Variants in GALNTL6 observed in about 807,000 individuals in gnomAD.
GALNTL6 encodes the protein polypeptide N-acetylgalactosaminyltransferase like 6, also known as polypeptide N-acetylgalactosaminyltransferase-like 6.
GALNTL6 carries 46 observed loss-of-function variants against 73.7 expected under a neutral mutation model. The observed-to-expected ratio is 0.62, with a 90% CI of 0.49 to 0.80. The LOEUF (loss-of-function observed/expected upper bound fraction) is 0.80, where lower values mean the gene tolerates loss of function less well. Among genes scored for constraint, GALNTL6 ranks in the 30% least tolerant of loss-of-function variants. The probability of loss-of-function intolerance (pLI) is 0.00; values close to 1 mark genes in which losing one functional copy is unlikely to be tolerated. For synonymous variants in GALNTL6, 259 were observed against 263.7 expected, an observed-to-expected ratio of 0.98 and a Z score of 0.17; for missense variants, 604 against 755.0, an observed-to-expected ratio of 0.80 and a Z score of 2.34.
At chr4:172,382,919 A>G (rs1743337440) in intron 5 of GALNTL6, among the ~76,000 whole-genome samples, 1 of 151,952 alleles carries the variant, frequency 6.6e-6, no homozygotes, top group Non-Finnish European at 1.5e-5. Context: ...CCCATTAAAT[A>G]TTTTTGGAAT....
At chr4:171,871,803 A>G (rs1736144966) in intron 2 of GALNTL6, among the ~76,000 whole-genome samples, 1 of 152,350 alleles carries the variant, frequency 6.6e-6, no homozygotes, top group Admixed American at 6.5e-5. Context: ...TACATTATAC[A>G]TAAAATTTAA....
chr4:172,816,095 A>G (rs1257322016), intron 7 of GALNTL6, among the ~76,000 whole-genome samples: 1 of 152,226 alleles, frequency 6.6e-6, no homozygotes, highest in Non-Finnish European at 1.5e-5. Context: ...GTCTATCTAT[A>G]CAGCTTTCTT....
chr4:172,786,953 T>G (rs1219137455), intron 5 of GALNTL6, among the ~76,000 whole-genome samples: 1 of 152,152 alleles, frequency 6.6e-6, no homozygotes, highest in Non-Finnish European at 1.5e-5. Flanking sequence ...CCTGAAAAGT[T>G]TTATTTTCCT....
chr4:172,804,850 A>G (rs1174138650), intron 5 of GALNTL6, among the ~76,000 whole-genome samples: 1 of 152,216 alleles, frequency 6.6e-6, no homozygotes, highest in Non-Finnish European at 1.5e-5. Flanking sequence ...TGGATCCCAT[A>G]GTGACCAGAG....
chr4:172,042,141 G>A (rs183444898), intron 2 of GALNTL6, among the ~76,000 whole-genome samples: 64 of 152,046 alleles, frequency 4.2e-4, no homozygotes, highest in African/African-American at 1.5e-3. Flanking sequence ...ATTTTCTCCA[G>A]TATGCCCTAT....
chr4:171,856,532 G>A (rs1735697131), intron 2 of GALNTL6, among the ~76,000 whole-genome samples: 1 of 152,086 alleles, frequency 6.6e-6, no homozygotes, highest in African/African-American at 2.4e-5. Flanking sequence ...TCCTATAGGA[G>A]GTTTATGGTT....
At chr4:172,077,589 A>T (rs933934233) in intron 2 of GALNTL6, among the ~76,000 whole-genome samples, 2 of 152,184 alleles carry the variant, frequency 1.3e-5, no homozygotes, top group Non-Finnish European at 2.9e-5. Context: ...AGCTGTTTCT[A>T]AAAGAGTATA....
chr4:172,478,247 A>G (rs1261804223), intron 5 of GALNTL6, among the ~76,000 whole-genome samples: 3 of 152,240 alleles, frequency 2.0e-5, no homozygotes, highest in Non-Finnish European at 4.4e-5. Flanking sequence ...TGGAGGCATC[A>G]CATTACCTAA....
chr4:172,590,299 C>T (rs549930976), intron 5 of GALNTL6, among the ~76,000 whole-genome samples: 7 of 152,156 alleles, frequency 4.6e-5, no homozygotes, highest in South Asian at 4.1e-4. Context: ...CATTAGTAGG[C>T]GGGGTGTTGA....
intron 8 of GALNTL6, among the ~76,000 whole-genome samples, chr4:172,889,588 C>T (rs556478030): frequency 8.5e-5 from 13 of 152,294 alleles, no homozygotes; most frequent in African/African-American, 3.1e-4. Context: ...ACCAGCCTTA[C>T]ATCCGAGGAA....
At chr4:172,908,805 A>C (rs1203292858) in intron 8 of GALNTL6, among the ~76,000 whole-genome samples, 2 of 151,892 alleles carry the variant, frequency 1.3e-5, no homozygotes, top group Admixed American at 1.3e-4. Context: ...AAGGACACAA[A>C]AAAAGACTTG....
intron 8 of GALNTL6, among the ~76,000 whole-genome samples, chr4:172,892,823 C>T (rs763805892): frequency 2.6e-5 from 4 of 152,086 alleles, no homozygotes; most frequent in Non-Finnish European, 5.9e-5. Flanking sequence ...TCAAGCGAAA[C>T]GCTGGCAAAC....
intron 2 of GALNTL6, among the ~76,000 whole-genome samples, chr4:171,941,814 A>G (rs1738553733): frequency 6.6e-6 from 1 of 152,216 alleles, no homozygotes; most frequent in African/African-American, 2.4e-5. Flanking sequence ...ACAAAGAGGT[A>G]TATGGCTTTA....
At chr4:171,929,594 TCGAGC>T in intron 2 of GALNTL6, among the ~76,000 whole-genome samples, 1 of 152,312 alleles carries the variant, frequency 6.6e-6, no homozygotes, top group African/African-American at 2.4e-5. Flanking sequence ...CGGCGTGGCC[TCGAGC>T]AGCTAGCCAG....
intron 2 of GALNTL6, among the ~76,000 whole-genome samples, chr4:172,197,212 CCTAAGAATGCATCTAA>C (rs1301038230): frequency 6.6e-6 from 1 of 151,996 alleles, no homozygotes; most frequent in Admixed American, 6.6e-5. Context: ...GAATAAAATA[CCTAAGAATGCATCTAA>C]CAAGGGAAGT....
At chr4:172,834,165 A>G (rs1380034286) in intron 7 of GALNTL6, among the ~76,000 whole-genome samples, 2 of 152,164 alleles carry the variant, frequency 1.3e-5, no homozygotes, top group Non-Finnish European at 2.9e-5. Flanking sequence ...CTTAACAAGA[A>G]GGACTGACAA....
chr4:172,411,576 C>T (rs777804407), intron 5 of GALNTL6, among the ~76,000 whole-genome samples: 14 of 150,186 alleles, frequency 9.3e-5, no homozygotes, highest in Non-Finnish European at 1.5e-4. Context: ...ATGCTGATGG[C>T]GTGCTTTCTA....
At chr4:172,420,531 G>T (rs1259182519) in intron 5 of GALNTL6, among the ~76,000 whole-genome samples, 1 of 152,150 alleles carries the variant, frequency 6.6e-6, no homozygotes, top group Non-Finnish European at 1.5e-5. Context: ...GGAAGAGATT[G>T]AATTAGTTGT....
intron 5 of GALNTL6, among the ~76,000 whole-genome samples, chr4:172,467,488 G>A (rs1732864321): frequency 6.6e-6 from 1 of 152,126 alleles, no homozygotes; most frequent in Non-Finnish European, 1.5e-5. Context: ...ATATCATGGA[G>A]TCGCTCATCC....
Sources: allele counts gnomAD v4.1 joint callset (sites outside exome capture counted in the v4.1 genomes callset), GRCh38; gene constraint gnomAD v4.1.1; transcripts MANE v1.5; gene names NCBI Gene and HGNC (gene_info 2026-07-23, HGNC 2026-07-21).